CAPN13: variants seen among roughly 807,000 people sequenced by gnomAD.
CAPN13 encodes the protein calpain 13, also known as calpain-13.
In CAPN13, 90 loss-of-function variants were observed where a neutral mutation model predicts 98.4. The observed-to-expected ratio is 0.92, with a 90% CI of 0.77 to 1.09. CAPN13 has a LOEUF of 1.09. Ranked by LOEUF, CAPN13 falls within the 50% of genes least tolerant of loss-of-function variation. The probability of loss-of-function intolerance (pLI) is 0.00; values close to 1 mark genes in which losing one functional copy is unlikely to be tolerated. For missense variants in CAPN13, 887 were observed against 841.3 expected (o/e 1.05, Z -0.67); for synonymous variants, 330 against 305.5 (o/e 1.08, Z -0.84).
rs186535142 is a variant in CAPN13, at chr2:30,747,782, C to T, written c.1237-2048G>A. 2.8e-3 allele frequency among the ~76,000 whole-genome samples: 420 copies of T among 152,268 alleles called. 1 individual carries two copies. In the Middle Eastern group the frequency reaches 0.034, roughly 12 times the overall value. On this transcript the variant is annotated intron_variant, in intron 11 of 22. Transcript: ENST00000295055. The stretch of plus-strand genomic sequence containing the variant: ...TTCTCAGCTGAACTGTGAAAGCAAC[C>T]AGTGTCATTTGAGTTGTCCAGGTCT...
At chr2:30,759,266 C>T (rs1347803899) in intron 7 of CAPN13, among the ~76,000 whole-genome samples, 1 of 151,506 alleles carries the variant, frequency 6.6e-6, no homozygotes, top group African/African-American at 2.4e-5. Flanking sequence ...TTTCTTCCTG[C>T]CCCCTGTCTG....
rs182361286 is a variant in CAPN13 at position 30,731,532 on chromosome 2, T to C, written c.1928-133A>G. On this transcript the variant is annotated intron_variant, in intron 20 of 22. Coordinates refer to ENST00000295055, the MANE Select transcript of CAPN13 (RefSeq NM_144575.3). Reference sequence around the variant, plus strand: ...GCAGCCCCTCCTGCTCCGCGGGGTGTGCCTGTCACCCATCCTTTTCTCTGT... The same window carrying C: ...GCAGCCCCTCCTGCTCCGCGGGGTGCGCCTGTCACCCATCCTTTTCTCTGT... 9.8e-3 allele frequency: 6,749 copies of C among 688,858 alleles called. 45 individuals carry two copies. Among genetic ancestry groups the C allele is most frequent in the Non-Finnish European group, 0.013 (5,687 of 424,330 alleles). 42.7% of individuals were successfully genotyped at this position (688,858 alleles called of 1,614,324 possible). A position where few individuals can be genotyped will look rare whatever the true frequency, so the allele number is the denominator to read the frequency against.
intron 2 of CAPN13, among the ~76,000 whole-genome samples, chr2:30,784,241 C>G (rs990067441): frequency 6.6e-6 from 1 of 151,954 alleles, no homozygotes; most frequent in Non-Finnish European, 1.5e-5. Context: ...TCCCTGCCAA[C>G]CTTCTTTCAG....
intron 5 of CAPN13, among the ~76,000 whole-genome samples, chr2:30,768,655 A>G (rs1054664246): frequency 7.3e-6 from 1 of 136,840 alleles, no homozygotes; most frequent in Non-Finnish European, 1.5e-5. Context: ...AATTTGTTTC[A>G]TTTCATTTCA....
chr2:30,739,779 G>T lies in CAPN13; in HGVS notation c.1537-1322C>A, dbSNP rs115767246. Among the ~76,000 whole-genome samples, 868 of 152,262 alleles carry T rather than the reference G, an allele frequency of 5.7e-3. 7 individuals are homozygous for T. Among genetic ancestry groups the T allele is most frequent in the African/African-American group, 0.019 (810 of 41,552 alleles). On this transcript the variant is annotated intron_variant, in intron 15 of 22. Transcript: ENST00000295055. ...TCCTGCACTTCATAACCAACCAAAA[G>T]AGTCTGAGGAGATGAGGGTAGGAAT... is the stretch of plus-strand genomic sequence containing the variant.
At position 30,757,120 on chromosome 2, in the gene CAPN13, A is replaced by G. The variant is rs553185119; in HGVS notation, c.866+926T>C. ...AATGGATTGCACTTCCTTTCAGATC[A>G]TGTTCCCCACCCCCAGCCCCACGGG... is the stretch of plus-strand genomic sequence containing the variant. On this transcript the variant is annotated intron_variant, in intron 8 of 22. Coordinates refer to ENST00000295055, the MANE Select transcript of CAPN13 (RefSeq NM_144575.3). 5.9e-5 allele frequency among the ~76,000 whole-genome samples: 9 copies of G among 152,262 alleles called. No homozygotes were observed. In the South Asian group the frequency reaches 1.7e-3, roughly 28 times the overall value.
chr2:30,795,495 C>T (rs1323039558), intron 1 of CAPN13, among the ~76,000 whole-genome samples: 2 of 151,982 alleles, frequency 1.3e-5, no homozygotes, highest in Non-Finnish European at 2.9e-5. Context: ...TAATTTGTTT[C>T]CCTGATTACT....
intron 6 of CAPN13, among the ~76,000 whole-genome samples, chr2:30,763,618 A>G (rs748000176): frequency 1.3e-5 from 2 of 152,230 alleles, no homozygotes. Flanking sequence ...ATGGATAGAA[A>G]CCAGATGTCT....
intron 9 of CAPN13, 125 bp downstream of exon 9, chr2:30,754,165 G>A: frequency 1.7e-6 from 1 of 604,534 alleles, no homozygotes; most frequent in Non-Finnish European, 2.6e-6. Context: ...GAGAAAATAG[G>A]CTCCCTCTAA....
At chr2:30,768,308 A>C (rs1673210165) in intron 5 of CAPN13, among the ~76,000 whole-genome samples, 1 of 152,220 alleles carries the variant, frequency 6.6e-6, no homozygotes, top group Non-Finnish European at 1.5e-5. Flanking sequence ...GCAGAAGGTA[A>C]AGACAGAGGC....
At chr2:30,785,276 T>C (rs10495780) in intron 2 of CAPN13, among the ~76,000 whole-genome samples, 16,634 of 152,132 alleles carry the variant, frequency 0.11, 2,800 homozygotes, top group African/African-American at 0.37. Context: ...CCTTGGCATA[T>C]CATATTACCT....
chr2:30,773,706 A>G (rs1432395316), intron 4 of CAPN13, among the ~76,000 whole-genome samples: 2 of 152,236 alleles, frequency 1.3e-5, no homozygotes, highest in Non-Finnish European at 1.5e-5. Flanking sequence ...GTGTAAAGCC[A>G]GAGCACCTGA....
intron 2 of CAPN13, among the ~76,000 whole-genome samples, chr2:30,785,425 C>A (rs1164265533): frequency 2.0e-5 from 3 of 152,166 alleles, no homozygotes; most frequent in African/African-American, 4.8e-5. Context: ...AATATGACAT[C>A]TAAAAAGAAG....
intron 22 of CAPN13, among the ~76,000 whole-genome samples, chr2:30,727,525 G>A (rs545546262): frequency 2.0e-5 from 3 of 152,196 alleles, no homozygotes; most frequent in East Asian, 1.9e-4. Flanking sequence ...ACATTTCGCC[G>A]AAGATATAAA....
chr2:30,805,350 A>G (rs573224763), intron 1 of CAPN13, among the ~76,000 whole-genome samples: 1 of 152,214 alleles, frequency 6.6e-6, no homozygotes, highest in Non-Finnish European at 1.5e-5. Context: ...GTGGTGGCAC[A>G]TCATCCCTCA....
chr2:30,800,826 T>TCATTCA (rs1301386271), intron 1 of CAPN13, among the ~76,000 whole-genome samples: 1 of 152,194 alleles, frequency 6.6e-6, no homozygotes, highest in Non-Finnish European at 1.5e-5. Flanking sequence ...GTCATTCAAT[T>TCATTCA]ATGATAGGGT....
intron 8 of CAPN13, among the ~76,000 whole-genome samples, chr2:30,757,103 G>A (rs1672490533): frequency 6.6e-6 from 1 of 152,210 alleles, no homozygotes; most frequent in African/African-American, 2.4e-5. Flanking sequence ...CAAATGGATT[G>A]CACTTCCTTT....
chr2:30,759,860 G>C (rs561995), intron 7 of CAPN13, among the ~76,000 whole-genome samples: 11,213 of 152,104 alleles, frequency 0.074, 446 homozygotes, highest in East Asian at 0.18. Flanking sequence ...CCCATGCTCA[G>C]CAGTGGGGCA....
At chr2:30,794,627 A>C (rs557206311) in intron 1 of CAPN13, among the ~76,000 whole-genome samples, 1 of 152,080 alleles carries the variant, frequency 6.6e-6, no homozygotes, top group East Asian at 1.9e-4. Flanking sequence ...AATAGCCAAA[A>C]GTTGGAAACA....
Sources: gnomAD v4.1 joint callset for allele counts (sites outside exome capture counted in the v4.1 genomes callset) on GRCh38, gnomAD v4.1.1 for gene constraint, MANE v1.5 for transcripts, NCBI Gene and HGNC (gene_info 2026-07-23, HGNC 2026-07-21) for gene names.